Variants in FAM151B observed in about 807,000 individuals in gnomAD.
FAM151B encodes the protein family with sequence similarity 151 member B.
Under a neutral mutation model 31.2 loss-of-function variants are expected in FAM151B, and 24 were observed. That is an observed-to-expected ratio of 0.77 (90% CI 0.56 to 1.08). FAM151B has a LOEUF of 1.08. FAM151B is among the 50% of genes least tolerant of loss of function. FAM151B has a pLI of 0.00. For missense variants in FAM151B, 293 were observed against 328.6 expected (o/e 0.89, Z 0.84); for synonymous variants, 105 against 111.4 (o/e 0.94, Z 0.36).
rs138069258 is a variant in FAM151B, at chr5:80,495,528, G to A, written c.26-6264G>A. On this transcript the variant is annotated intron_variant, in intron 1 of 5. Transcript: ENST00000282226. ...TTCAATAGAGGATGTAACTGCAAAT[G>A]TGATAGAAATAGCAAAAGAGGGCAG... is the stretch of plus-strand genomic sequence containing the variant. Among the ~76,000 whole-genome samples, 759 of 152,230 alleles carry A rather than the reference G, an allele frequency of 5.0e-3. 4 individuals are homozygous for A. The highest frequency in any genetic ancestry group is 0.017 in the African/African-American group (697 of 41,532).
In FAM151B at chr5:80,541,929, C is replaced by T. The variant is rs186380131; in HGVS notation, c.*97C>T. ...CATATAAATTATGGTTATTGATTGA[C>T]GTTCCAAGTCATCTAATCAAGAAAC... On this transcript the variant is annotated 3_prime_UTR_variant, in exon 6 of 6. Transcript: ENST00000282226. 8.3e-5 allele frequency: 107 copies of T among 1,293,878 alleles called. 1 individual carries two copies. Among genetic ancestry groups the T allele is most frequent in the Non-Finnish European group, 1.1e-4 (103 of 949,546 alleles). The allele number at this position is 1,293,878 out of a possible 1,614,324, so 80.1% of individuals were successfully genotyped here.
rs1187559811 is a variant in FAM151B, at chr5:80,501,797, T to A, written c.31T>A (p.Trp11Arg). Residue 11 changes from tryptophan (W) to arginine (R), a missense_variant, in exon 2 of 6, where the codon TGG becomes AGG. By Grantham distance (101) the Trp-to-Arg change is moderately radical. Coordinates refer to ENST00000282226, the MANE Select transcript of FAM151B (RefSeq NM_205548.3). ...TGTAAACACTGTTATTTTAGGATCT[T>A]GGAGTGAAAATATACTGGAATATTT... MAASAGGPGS[W>R]SENILEYFLR... 8 of 1,598,302 alleles carry A rather than the reference T, an allele frequency of 5.0e-6. No homozygotes were observed. The highest frequency in any genetic ancestry group is 6.8e-6 in the Non-Finnish European group (8 of 1,170,828).
chr5:80,509,159 A>G (rs1315481135), intron 2 of FAM151B, among the ~76,000 whole-genome samples: 1 of 150,284 alleles, frequency 6.7e-6, no homozygotes, highest in South Asian at 2.1e-4. Context: ...TTTTTTTTCC[A>G]GTAGAGATGA....
At chr5:80,535,036 T>A (rs1359935597) in intron 5 of FAM151B, among the ~76,000 whole-genome samples, 1 of 152,108 alleles carries the variant, frequency 6.6e-6, no homozygotes, top group African/African-American at 2.4e-5. Flanking sequence ...TACCTAGGAA[T>A]TAACCAAAGA....
chr5:80,508,870 C>T (rs1349585459), intron 2 of FAM151B, among the ~76,000 whole-genome samples: 4 of 152,088 alleles, frequency 2.6e-5, no homozygotes, highest in Non-Finnish European at 5.9e-5. Context: ...TTTCTGAGGG[C>T]TTAATAAAGG....
intron 5 of FAM151B, among the ~76,000 whole-genome samples, chr5:80,533,749 C>CAAAAAAAA (rs71601590): frequency 8.6e-4 from 58 of 67,514 alleles, no homozygotes; most frequent in African/African-American, 3.1e-3. Flanking sequence ...GACTCCATCT[C>CAAAAAAAA]AAAAAAAAAA....
At position 80,538,507 on chromosome 5, in the gene FAM151B, T is replaced by TC. The variant is rs1242151259; in HGVS notation, c.672-3165dup. Among the ~76,000 whole-genome samples, 33 of 105,956 alleles carry TC rather than the reference T, an allele frequency of 3.1e-4. 1 individual carries two copies. The highest frequency in any genetic ancestry group is 1.2e-3 in the Admixed American group (11 of 9,382). The allele number at this position is 105,956 out of a possible 152,430, so 69.5% of individuals were successfully genotyped here. On this transcript the variant is annotated intron_variant, in intron 5 of 5. Transcript: ENST00000282226. Reference sequence around the variant, plus strand: ...CTTTCCTTCCTTCCTTCCTTTCTTTTCTTTCTTTCCTTCCTTCCTTCCTTC... The same window carrying TC: ...CTTTCCTTCCTTCCTTCCTTTCTTTTCCTTTCTTTCCTTCCTTCCTTCCTTC...
chr5:80,537,416 G>T (rs1408625272), intron 5 of FAM151B, among the ~76,000 whole-genome samples: 1 of 152,200 alleles, frequency 6.6e-6, no homozygotes, highest in Non-Finnish European at 1.5e-5. Flanking sequence ...TGTGGGTAAA[G>T]TGAAATGTTT....
At position 80,502,916 on chromosome 5, in the gene FAM151B, G is replaced by A. The variant is rs536535434; in HGVS notation, c.151+999G>A. Among the ~76,000 whole-genome samples, 5 of 152,296 alleles carry A rather than the reference G, an allele frequency of 3.3e-5. No homozygotes were observed. In the South Asian group the frequency reaches 6.2e-4, roughly 19 times the overall value. ...ATAATAACTACACAGTGATTATTTA[G>A]TAAATGAATTTTAGCAAAATTGATG... is the stretch of plus-strand genomic sequence containing the variant. On this transcript the variant is annotated intron_variant, in intron 2 of 5. Coordinates refer to ENST00000282226, the MANE Select transcript of FAM151B (RefSeq NM_205548.3).
intron 3 of FAM151B, among the ~76,000 whole-genome samples, chr5:80,517,753 G>A (rs998534846): frequency 1.3e-5 from 2 of 152,124 alleles, no homozygotes; most frequent in South Asian, 2.1e-4. Flanking sequence ...GTGGAATTTC[G>A]ATTTGTGGGA....
At position 80,541,659 on chromosome 5, in the gene FAM151B, T is replaced by C. The variant is rs780911515; in HGVS notation, c.672-14T>C. On this transcript the variant is annotated splice_polypyrimidine_tract_variant and intron_variant, in intron 5 of 5. Transcript: ENST00000282226. Reference sequence around the variant, plus strand: ...CCACTTTTAACTGTATAATTCTGTTTTATTTCAATGCAGGTACAGCCTGAC... The same window carrying C: ...CCACTTTTAACTGTATAATTCTGTTCTATTTCAATGCAGGTACAGCCTGAC... 6.2e-7 allele frequency: 1 copy of C among 1,611,766 alleles called. No individual in the cohort carries two copies. Among genetic ancestry groups the C allele is most frequent in the Non-Finnish European group, 8.5e-7 (1 of 1,178,918 alleles).
At chr5:80,538,790 G>A (rs1237016246) in intron 5 of FAM151B, among the ~76,000 whole-genome samples, 1 of 151,634 alleles carries the variant, frequency 6.6e-6, no homozygotes, top group Non-Finnish European at 1.5e-5. Context: ...GTGGAGACGG[G>A]GTTTTGCTAC....
At chr5:80,513,565 G>C in intron 2 of FAM151B, 39 bp from the exon 3 acceptor site, 1 of 1,586,818 alleles carries the variant, frequency 6.3e-7, no homozygotes. Context: ...TCTGTGCCCT[G>C]TTTTCTTAGC....
intron 3 of FAM151B, among the ~76,000 whole-genome samples, chr5:80,514,371 A>G (rs896416126): frequency 1.3e-5 from 2 of 151,916 alleles, no homozygotes; most frequent in Non-Finnish European, 2.9e-5. Flanking sequence ...GCTACTGGGG[A>G]GGCTGAGGCA....
chr5:80,500,285 G>T, intron 1 of FAM151B: 2 of 706,318 alleles, frequency 2.8e-6, no homozygotes, highest in South Asian at 1.5e-5. Context: ...AGAGCATACA[G>T]AACAGATATA....
At chr5:80,540,951 G>A (rs1310898452) in intron 5 of FAM151B, among the ~76,000 whole-genome samples, 1 of 152,198 alleles carries the variant, frequency 6.6e-6, no homozygotes, top group Non-Finnish European at 1.5e-5. Context: ...ATTCTGACAA[G>A]CTTATGGGGA....
chr5:80,492,184 T>C (rs548869326), intron 1 of FAM151B, among the ~76,000 whole-genome samples: 112 of 152,092 alleles, frequency 7.4e-4, no homozygotes, highest in African/African-American at 2.0e-3. Flanking sequence ...TTTTTTTTTT[T>C]CCCACAAATT....
chr5:80,504,825 T>C lies in FAM151B; in HGVS notation c.151+2908T>C, dbSNP rs565892375. Among the ~76,000 whole-genome samples the C allele has an allele frequency of 1.4e-3, 215 of 152,128 alleles. 3 individuals carry two copies. In the South Asian group the frequency reaches 0.019, roughly 14 times the overall value. On this transcript the variant is annotated intron_variant, in intron 2 of 5. Transcript: ENST00000282226. ...ACTCTTAAATGAAAGATTCCAAGCTTTTGTGCCCCTTTATAACCACACTGA... is the reference window on the plus strand; with the variant it reads ...ACTCTTAAATGAAAGATTCCAAGCTCTTGTGCCCCTTTATAACCACACTGA...
intron 2 of FAM151B, among the ~76,000 whole-genome samples, chr5:80,503,337 G>A (rs1397795115): frequency 6.6e-6 from 1 of 152,196 alleles, no homozygotes; most frequent in East Asian, 1.9e-4. Flanking sequence ...GGGAAGCCAA[G>A]TTGGGTGGAT....
Sources: allele counts gnomAD v4.1 joint callset (sites outside exome capture counted in the v4.1 genomes callset), GRCh38; gene constraint gnomAD v4.1.1; transcripts MANE v1.5; gene names NCBI Gene and HGNC (gene_info 2026-07-23, HGNC 2026-07-21).